Variants in RAB27A observed in about 807,000 individuals in gnomAD.
The protein encoded by RAB27A is ras-related protein Rab-27A.
RAB27A carries 17 observed loss-of-function variants against 20.8 expected under a neutral mutation model. The observed-to-expected ratio is 0.82, with a 90% confidence interval of 0.56 to 1.23. The LOEUF is 1.23. Ranked by LOEUF, RAB27A falls within the 50% of genes most tolerant of loss-of-function variation. The probability of loss-of-function intolerance (pLI) is 0.00; values close to 1 mark genes in which losing one functional copy is unlikely to be tolerated. For synonymous variants in RAB27A, 85 were observed against 92.8 expected (o/e 0.92, Z 0.48); for missense variants, 277 against 266.7 (o/e 1.04, Z -0.27).
At chr15:55,318,984 C>A (rs1198804032) in exon 1 of RAB27A, 3 of 432,094 alleles carry the variant, frequency 6.9e-6, no homozygotes, top group Non-Finnish European at 1.3e-5. Context: ...CGCCTGCTCC[C>A]CTCCAGAGAC....
chr15:55,231,092 T>G (rs1028824448), intron 3 of RAB27A, among the ~76,000 whole-genome samples: 1 of 152,194 alleles, frequency 6.6e-6, no homozygotes, highest in Non-Finnish European at 1.5e-5. Context: ...GTTTCTGCAT[T>G]AATTCACTGA....
intron 1 of RAB27A, chr15:55,288,768 C>T (rs181460142): frequency 6.6e-6 from 1 of 151,444 alleles, no homozygotes; most frequent in Admixed American, 6.6e-5. Context: ...TAACCATCTG[C>T]AGAAACTGTT....
intron 2 of RAB27A, among the ~76,000 whole-genome samples, chr15:55,251,074 T>C (rs1054273504): frequency 6.6e-6 from 1 of 152,204 alleles, no homozygotes; most frequent in African/African-American, 2.4e-5. Flanking sequence ...ATCGTCTCAT[T>C]TGCCTTTGGC....
intron 2 of RAB27A, among the ~76,000 whole-genome samples, chr15:55,253,539 C>T (rs1896973566): frequency 6.6e-6 from 1 of 152,192 alleles, no homozygotes; most frequent in Non-Finnish European, 1.5e-5. Context: ...GAAAGCCAAG[C>T]ATCCAGGTTA....
At chr15:55,278,453 C>G (rs1476598556) in intron 1 of RAB27A, among the ~76,000 whole-genome samples, 1 of 151,548 alleles carries the variant, frequency 6.6e-6, no homozygotes, top group Non-Finnish European at 1.5e-5. Flanking sequence ...CATAATAGCA[C>G]CAGATTATTC....
intron 2 of RAB27A, among the ~76,000 whole-genome samples, chr15:55,242,371 C>T (rs1034508817): frequency 6.6e-6 from 1 of 152,078 alleles, no homozygotes; most frequent in African/African-American, 2.4e-5. Flanking sequence ...GACTTTTCTA[C>T]TTTGTATGAT....
chr15:55,310,651 C>CT (rs921044715), intron 2 of RAB27A, among the ~76,000 whole-genome samples: 4 of 152,112 alleles, frequency 2.6e-5, no homozygotes, highest in African/African-American at 7.2e-5. Context: ...AAGCAATGGC[C>CT]TTTTTTTAAA....
Position 55,302,308 on chromosome 15 carries a change from C to T in RAB27A, c.-112+11731G>A, listed in dbSNP as rs895849782. Among the ~76,000 whole-genome samples the T allele has an allele frequency of 3.3e-5, 5 of 152,188 alleles. No individual in the cohort carries two copies. The South Asian group carries it at 8.3e-4, about 25-fold the overall frequency. ...CGGGCCGGTCTCCAGCCCCTAACCGCGAGTGATCCCGCCAACCTCGGCCTC... is the reference window on the plus strand; with the variant it reads ...CGGGCCGGTCTCCAGCCCCTAACCGTGAGTGATCCCGCCAACCTCGGCCTC... On this transcript the variant is annotated intron_variant, in intron 2 of 5. Transcript: ENST00000563262.
intron 2 of RAB27A, among the ~76,000 whole-genome samples, chr15:55,300,212 G>A (rs996932515): frequency 2.6e-5 from 4 of 152,076 alleles, no homozygotes; most frequent in Admixed American, 1.3e-4. Flanking sequence ...GGCAACCTGC[G>A]TATGACTTAC....
chr15:55,271,814 G>A (rs1258365890), intron 1 of RAB27A, among the ~76,000 whole-genome samples: 2 of 152,138 alleles, frequency 1.3e-5, no homozygotes, highest in Non-Finnish European at 2.9e-5. Flanking sequence ...CTCAACGTGT[G>A]ACTGAAGACT....
intron 2 of RAB27A, among the ~76,000 whole-genome samples, chr15:55,309,360 T>C (rs1322928296): frequency 2.0e-5 from 3 of 152,322 alleles, no homozygotes; most frequent in South Asian, 2.1e-4. Flanking sequence ...AGCTGAACTT[T>C]TGGTTTGGAA....
intron 2 of RAB27A, among the ~76,000 whole-genome samples, chr15:55,241,283 A>C (rs1395708675): frequency 6.6e-6 from 1 of 152,134 alleles, no homozygotes; most frequent in Non-Finnish European, 1.5e-5. Flanking sequence ...CTAAAAAGTC[A>C]AGAATGACCT....
chr15:55,271,469 A>C (rs568987374), intron 1 of RAB27A, among the ~76,000 whole-genome samples: 2 of 152,286 alleles, frequency 1.3e-5, no homozygotes, highest in Non-Finnish European at 2.9e-5. Flanking sequence ...ATACACACTA[A>C]AGTGTGAGAG....
chr15:55,273,415 A>T lies in RAB27A; in HGVS notation c.-142-3131T>A, dbSNP rs144903400. Reference sequence around the variant, plus strand: ...CAGAGCGAGACTCCATCTCAAAAAAAAAAAAATAAAAATAAAAATAAAAAA... The same window carrying T: ...CAGAGCGAGACTCCATCTCAAAAAATAAAAAATAAAAATAAAAATAAAAAA... On this transcript the variant is annotated intron_variant, in intron 1 of 6. Coordinates refer to ENST00000336787, the MANE Select transcript of RAB27A (RefSeq NM_183235.3). Among the ~76,000 whole-genome samples, 871 of 151,652 alleles carry T rather than the reference A, an allele frequency of 5.7e-3. 14 individuals are homozygous for T. The highest frequency in any genetic ancestry group is 0.019 in the African/African-American group (791 of 41,460).
intron 2 of RAB27A, among the ~76,000 whole-genome samples, chr15:55,262,799 C>A (rs1211719846): frequency 1.3e-5 from 2 of 151,992 alleles, no homozygotes; most frequent in Non-Finnish European, 2.9e-5. Flanking sequence ...AAGCCACCCA[C>A]CTGCCTCAGC....
At chr15:55,288,358 TA>T (rs1304175673) in intron 1 of RAB27A, among the ~76,000 whole-genome samples, 23 of 151,926 alleles carry the variant, frequency 1.5e-4, no homozygotes, top group South Asian at 8.3e-4. Flanking sequence ...CCGCCTCTAC[TA>T]AAAATACAAA....
chr15:55,275,937 A>AAC (rs1248513747), intron 1 of RAB27A, among the ~76,000 whole-genome samples: 1 of 150,654 alleles, frequency 6.6e-6, no homozygotes, highest in Non-Finnish European at 1.5e-5. Flanking sequence ...AAAAAAAAAA[A>AAC]AAACAAGAGA....
At chr15:55,247,309 G>GA (rs1191260461) in intron 2 of RAB27A, among the ~76,000 whole-genome samples, 1 of 149,932 alleles carries the variant, frequency 6.7e-6, no homozygotes, top group Non-Finnish European at 1.5e-5. Context: ...CTCAAAGGCA[G>GA]AAAAAAATAG....
chr15:55,275,961 G>A (rs4643256), intron 1 of RAB27A, among the ~76,000 whole-genome samples: 94 of 146,226 alleles, frequency 6.4e-4, no homozygotes, highest in African/African-American at 2.3e-3. Flanking sequence ...GTGTTGGCAA[G>A]GATGTGGAGA....
Sources: gnomAD v4.1 joint callset for allele counts (sites outside exome capture counted in the v4.1 genomes callset) on GRCh38, gnomAD v4.1.1 for gene constraint, MANE v1.5 for transcripts, NCBI Gene and HGNC (gene_info 2026-07-23, HGNC 2026-07-21) for gene names.